The following SERPINI1 variants were observed in gnomAD, a reference collection of about 807,000 sequenced individuals.
The protein encoded by SERPINI1 is serpin family I member 1, also known as neuroserpin.
Under a neutral mutation model 41.1 loss-of-function variants are expected in SERPINI1, and 19 were observed. The ratio of observed to expected loss-of-function variants is 0.46; its 90% CI spans 0.32 to 0.68. The LOEUF (loss-of-function observed/expected upper bound fraction) is 0.68. SERPINI1 is among the 30% of genes least tolerant of loss of function. The pLI, the probability that SERPINI1 is intolerant of heterozygous loss-of-function variation, is 0.03. For missense variants in SERPINI1, 460 were observed against 479.2 expected, an observed-to-expected ratio of 0.96 and a Z score of 0.37; for synonymous variants, 138 against 156.6, an observed-to-expected ratio of 0.88 and a Z score of 0.89.
At chr3:167,772,978 G>GTA (rs887711039) in intron 1 of SERPINI1, among the ~76,000 whole-genome samples, 36 of 135,774 alleles carry the variant, frequency 2.7e-4, no homozygotes, top group East Asian at 1.1e-3. Context: ...GTATATATAT[G>GTA]TATATATATA....
In SERPINI1 at chr3:167,825,356, A is replaced by C. The variant is rs1210761153; in HGVS notation, c.*33A>C. ...TATTTGAATAACAAGGAAAACAGTA[A>C]CTAAGCACATTATGTTTGCAACTGG... On this transcript the variant is annotated 3_prime_UTR_variant, in exon 9 of 9. Coordinates refer to ENST00000446050, the MANE Select transcript of SERPINI1 (RefSeq NM_001122752.2). 1 of 1,342,480 alleles carries C rather than the reference A, an allele frequency of 7.4e-7. No homozygotes were observed. Among genetic ancestry groups the C allele is most frequent in the South Asian group, 1.2e-5 (1 of 85,702 alleles). 83.2% of individuals were successfully genotyped at this position (1,342,480 alleles called of 1,614,324 possible).
At chr3:167,782,999 G>T (rs1006718115) in intron 1 of SERPINI1, among the ~76,000 whole-genome samples, 2 of 152,154 alleles carry the variant, frequency 1.3e-5, no homozygotes, top group Admixed American at 1.3e-4. Context: ...CAGGACTAAA[G>T]ATTTTGGGCT....
At chr3:167,743,123 A>T (rs1326583254) in intron 1 of SERPINI1, among the ~76,000 whole-genome samples, 1 of 152,190 alleles carries the variant, frequency 6.6e-6, no homozygotes. Flanking sequence ...AAATATGGGT[A>T]TAATACAAAT....
intron 1 of SERPINI1, among the ~76,000 whole-genome samples, chr3:167,757,128 A>G (rs9828581): frequency 0.22 from 33,502 of 152,078 alleles, 3,789 homozygotes; most frequent in African/African-American, 0.26. Flanking sequence ...ACAGTATCAA[A>G]TGACTTTAGT....
At chr3:167,789,401 T>C in intron 2 of SERPINI1, 23 bp downstream of exon 2, 1 of 1,613,768 alleles carries the variant, frequency 6.2e-7, no homozygotes, top group Non-Finnish European at 8.5e-7. Flanking sequence ...AGGTTTGATT[T>C]CTCAAGACTT....
At chr3:167,777,546 C>A (rs530278803) in intron 1 of SERPINI1, among the ~76,000 whole-genome samples, 1 of 152,122 alleles carries the variant, frequency 6.6e-6, no homozygotes, top group Admixed American at 6.6e-5. Context: ...CAGGGAAGCA[C>A]CTGGGGAAAG....
Position 167,792,793 on chromosome 3 carries a change from T to C in SERPINI1, c.676+9T>C, listed in dbSNP as rs773872160. On this transcript the variant is annotated intron_variant, in intron 4 of 8. Transcript: ENST00000446050. ...AGGAGAATTTTATTATGGTAAGACA[T>C]TTTTTGCTTTTATTTCTCTCTTCTT... The C allele has an allele frequency of 1.9e-6, 3 of 1,609,012 alleles. No individual in the cohort carries two copies. The African/African-American group carries it at 4.0e-5, about 22-fold the overall frequency.
At chr3:167,793,592 A>ATTT (rs1407073250) in intron 4 of SERPINI1, among the ~76,000 whole-genome samples, 30 of 103,462 alleles carry the variant, frequency 2.9e-4, no homozygotes, top group African/African-American at 1.1e-3. Flanking sequence ...ATATATATAT[A>ATTT]TATATTTTTA....
rs978019551 is a variant in SERPINI1 at position 167,739,508 on chromosome 3, C to T, written c.-19+3685C>T. ...GCAAATACATTACAGATTTGAGTGC[C>T]AGCATTTCTAAATTCATCTCAGAGA... is the stretch of plus-strand genomic sequence containing the variant. On this transcript the variant is annotated intron_variant, in intron 1 of 8. Transcript: ENST00000446050. Among the ~76,000 whole-genome samples, 6 of 152,232 alleles carry T rather than the reference C, an allele frequency of 3.9e-5. No homozygotes were observed. In the East Asian group the frequency reaches 1.2e-3, roughly 29 times the overall value.
intron 6 of SERPINI1, among the ~76,000 whole-genome samples, chr3:167,815,872 G>A (rs769261080): frequency 1.3e-5 from 2 of 151,584 alleles, no homozygotes; most frequent in East Asian, 1.9e-4. Flanking sequence ...AAATGCAATA[G>A]CACTAGTCTG....
intron 1 of SERPINI1, among the ~76,000 whole-genome samples, chr3:167,768,838 A>C (rs185743585): frequency 6.6e-6 from 1 of 152,214 alleles, no homozygotes; most frequent in Non-Finnish European, 1.5e-5. Context: ...CATAGGAAAT[A>C]TGCTTATGGT....
At chr3:167,774,839 G>A (rs1190377736) in intron 1 of SERPINI1, among the ~76,000 whole-genome samples, 1 of 152,056 alleles carries the variant, frequency 6.6e-6, no homozygotes, top group African/African-American at 2.4e-5. Flanking sequence ...AAAAGGTTGG[G>A]GGCCACTGTT....
chr3:167,785,504 G>A (rs539866447), intron 1 of SERPINI1, among the ~76,000 whole-genome samples: 1 of 152,222 alleles, frequency 6.6e-6, no homozygotes, highest in South Asian at 2.1e-4. Flanking sequence ...GATGGCTTGG[G>A]CTCTAATCCT....
chr3:167,777,513 A>AC (rs1726999419), intron 1 of SERPINI1, among the ~76,000 whole-genome samples: 8 of 152,230 alleles, frequency 5.3e-5, no homozygotes, highest in Admixed American at 5.2e-4. Context: ...TCTATCTCCC[A>AC]CTACACAGGT....
chr3:167,748,752 CTGTGTGTGTGTGTGTGTGTGTGTG>C (rs34438429), intron 1 of SERPINI1, among the ~76,000 whole-genome samples: 4 of 143,548 alleles, frequency 2.8e-5, no homozygotes, highest in East Asian at 2.1e-4. Flanking sequence ...GTGTGTTACT[CTGTGTGTGTGTGTGTGTGTGTGTG>C]TGTGTGTGTG....
chr3:167,740,593 C>A (rs1002571092), intron 1 of SERPINI1, among the ~76,000 whole-genome samples: 1 of 152,116 alleles, frequency 6.6e-6, no homozygotes, highest in Non-Finnish European at 1.5e-5. Flanking sequence ...GTGTTAGTAC[C>A]AAATTCAGCC....
chr3:167,799,659 A>G (rs1045056835), intron 5 of SERPINI1, among the ~76,000 whole-genome samples: 4 of 152,188 alleles, frequency 2.6e-5, no homozygotes, highest in Non-Finnish European at 5.9e-5. Context: ...ACTCCCACCA[A>G]CAGTGTAAAA....
intron 1 of SERPINI1, among the ~76,000 whole-genome samples, chr3:167,744,687 T>TA (rs1725796340): frequency 1.2e-5 from 1 of 81,112 alleles, no homozygotes; most frequent in Non-Finnish European, 2.2e-5. Context: ...AATATATATA[T>TA]AAACATATAT....
At position 167,825,421 on chromosome 3, in the gene SERPINI1, T is replaced by C. The variant is rs1712486921; in HGVS notation, c.*98T>C. ...TTGTGTTTTACAGTATATCTTAAGA[T>C]AATATTTAAAATAGTTCCAGATAAA... On this transcript the variant is annotated 3_prime_UTR_variant, in exon 9 of 9. Coordinates refer to ENST00000446050, the MANE Select transcript of SERPINI1 (RefSeq NM_001122752.2). The C allele has an allele frequency of 5.1e-6, 4 of 792,046 alleles. No homozygotes were observed. The highest frequency in any genetic ancestry group is 3.4e-5 in the African/African-American group (2 of 58,102). The allele number at this position is 792,046 out of a possible 1,614,324, so 49.1% of individuals were successfully genotyped here.
Sources: gnomAD v4.1 joint callset for allele counts (sites outside exome capture counted in the v4.1 genomes callset) on GRCh38, gnomAD v4.1.1 for gene constraint, MANE v1.5 for transcripts, NCBI Gene and HGNC (gene_info 2026-07-23, HGNC 2026-07-21) for gene names.